Variants in MAPK10 observed in about 807,000 individuals in gnomAD.
MAPK10 encodes JNK3 alpha protein kinase.
A neutral mutation model predicts 59.3 loss-of-function variants in MAPK10; 25 were observed. The observed-to-expected ratio is 0.42, with a 90% confidence interval of 0.31 to 0.59. MAPK10 has a LOEUF of 0.59. MAPK10 is among the 20% of genes least tolerant of loss of function. The probability of loss-of-function intolerance (pLI) is 0.15; values close to 1 mark genes in which losing one functional copy is unlikely to be tolerated. For missense variants in MAPK10, 351 were observed against 568.9 expected, an observed-to-expected ratio of 0.62 and a Z score of 3.90; for synonymous variants, 190 against 200.5, an observed-to-expected ratio of 0.95 and a Z score of 0.44.
chr4:86,147,482 C>T (rs937476197), intron 4 of MAPK10, among the ~76,000 whole-genome samples: 23 of 152,078 alleles, frequency 1.5e-4, no homozygotes, highest in Non-Finnish European at 3.2e-4. Context: ...AATAAATATA[C>T]CTCCAATACT....
chr4:86,578,885 G>C (rs1358436215), intron 1 of MAPK10, among the ~76,000 whole-genome samples: 1 of 151,976 alleles, frequency 6.6e-6, no homozygotes, highest in East Asian at 1.9e-4. Flanking sequence ...AAATCTGGAA[G>C]ATAGATTACC....
At chr4:86,284,548 C>T (rs192807836) in intron 2 of MAPK10, among the ~76,000 whole-genome samples, 1 of 152,154 alleles carries the variant, frequency 6.6e-6, no homozygotes, top group Non-Finnish European at 1.5e-5. Flanking sequence ...GAGCTCTGTG[C>T]CTCAGTTTCC....
At chr4:86,170,032 G>A (rs1203185201) in intron 3 of MAPK10, among the ~76,000 whole-genome samples, 2 of 151,688 alleles carry the variant, frequency 1.3e-5, no homozygotes, top group Non-Finnish European at 2.9e-5. Context: ...TCACCACCAG[G>A]CCTGCCCTAA....
intron 2 of MAPK10, among the ~76,000 whole-genome samples, chr4:86,256,223 G>A (rs985341735): frequency 1.3e-5 from 2 of 152,108 alleles, no homozygotes; most frequent in African/African-American, 2.4e-5. Context: ...ATACTTGGCC[G>A]AACTAGTGCT....
intron 1 of MAPK10, among the ~76,000 whole-genome samples, chr4:86,409,225 T>G (rs1744804855): frequency 6.6e-6 from 1 of 152,172 alleles, no homozygotes; most frequent in Admixed American, 6.5e-5. Context: ...CGTGTGGTGT[T>G]ATTTCTGAGG....
chr4:86,103,111 GT>G, intron 6 of MAPK10, 74 bp downstream of exon 6: 1 of 808,062 alleles, frequency 1.2e-6, no homozygotes, highest in Non-Finnish European at 2.2e-6. Flanking sequence ...GTGTGTGTGT[GT>G]GTGTGGTGTG....
At chr4:86,243,039 T>C (rs2092845334) in intron 2 of MAPK10, among the ~76,000 whole-genome samples, 1 of 152,226 alleles carries the variant, frequency 6.6e-6, no homozygotes, top group Non-Finnish European at 1.5e-5. Context: ...GCTCACTCAC[T>C]GCCTCCCTTG....
At chr4:86,150,908 T>A (rs984994988) in intron 4 of MAPK10, among the ~76,000 whole-genome samples, 5 of 152,032 alleles carry the variant, frequency 3.3e-5, no homozygotes. Context: ...TAAAAAGGTA[T>A]GTGGAGGCAT....
chr4:86,267,566 C>T (rs1312008631), intron 2 of MAPK10, among the ~76,000 whole-genome samples: 1 of 152,108 alleles, frequency 6.6e-6, no homozygotes, highest in Non-Finnish European at 1.5e-5. Flanking sequence ...TGATCTGTTC[C>T]CTGCCTCTCC....
At chr4:86,480,625 G>T (rs1162655580) in intron 1 of MAPK10, among the ~76,000 whole-genome samples, 1 of 152,172 alleles carries the variant, frequency 6.6e-6, no homozygotes. Context: ...GATAAAATTT[G>T]TAGCCAAGGA....
chr4:86,347,577 T>C (rs1564605131), intron 2 of MAPK10, among the ~76,000 whole-genome samples: 2 of 152,188 alleles, frequency 1.3e-5, no homozygotes, highest in Non-Finnish European at 1.5e-5. Flanking sequence ...CAGGCTGCTA[T>C]AACAAAATGC....
At chr4:86,412,880 C>T (rs1261827084) in intron 1 of MAPK10, among the ~76,000 whole-genome samples, 4 of 152,012 alleles carry the variant, frequency 2.6e-5, no homozygotes, top group Non-Finnish European at 2.9e-5. Flanking sequence ...TTGTTATTAC[C>T]GACCTTCTGA....
At chr4:86,041,535 T>A (rs2041523243) in intron 11 of MAPK10, among the ~76,000 whole-genome samples, 2 of 152,168 alleles carry the variant, frequency 1.3e-5, no homozygotes. Flanking sequence ...ATCATCAGAC[T>A]GAACAGGCAA....
At chr4:86,209,849 G>A (rs1424387483) in intron 2 of MAPK10, among the ~76,000 whole-genome samples, 1 of 152,024 alleles carries the variant, frequency 6.6e-6, no homozygotes, top group Non-Finnish European at 1.5e-5. Flanking sequence ...CAAATCTGGA[G>A]GAATCACATT....
intron 2 of MAPK10, among the ~76,000 whole-genome samples, chr4:86,243,234 T>C (rs369438207): frequency 1.8e-4 from 28 of 152,350 alleles, no homozygotes; most frequent in African/African-American, 6.7e-4. Context: ...TAAGCCATCT[T>C]GGCCCCACTC....
chr4:86,563,526 T>A (rs1760830355), intron 1 of MAPK10, among the ~76,000 whole-genome samples: 1 of 152,266 alleles, frequency 6.6e-6, no homozygotes, highest in Non-Finnish European at 1.5e-5. Flanking sequence ...GTTTGTGGTA[T>A]CTAGGCCCAT....
chr4:86,362,518 C>G (rs1033949486), upstream of MAPK10, among the ~76,000 whole-genome samples: 7 of 151,774 alleles, frequency 4.6e-5, no homozygotes, highest in African/African-American at 1.5e-4. Context: ...ATACATATAT[C>G]TGAATACTCT....
chr4:86,149,599 T>C (rs1027286091), intron 4 of MAPK10, among the ~76,000 whole-genome samples: 2 of 152,186 alleles, frequency 1.3e-5, no homozygotes, highest in African/African-American at 2.4e-5. Context: ...ATTCTGAACA[T>C]TGAACTAGAA....
chr4:86,393,520 C>T (rs2149010927), intron 1 of MAPK10, among the ~76,000 whole-genome samples: 1 of 152,256 alleles, frequency 6.6e-6, no homozygotes, highest in South Asian at 2.1e-4. Flanking sequence ...GGAACCATTA[C>T]CAGGCAAGCA....
Sources: gnomAD v4.1 joint callset for allele counts (sites outside exome capture counted in the v4.1 genomes callset) on GRCh38, gnomAD v4.1.1 for gene constraint, MANE v1.5 for transcripts, NCBI Gene and HGNC (gene_info 2026-07-23, HGNC 2026-07-21) for gene names.